Variants in TMEM132B observed in about 807,000 individuals in gnomAD.
The protein encoded by TMEM132B is transmembrane protein 132B.
TMEM132B carries 18 observed loss-of-function variants against 90.8 expected under a neutral mutation model. The observed-to-expected ratio is 0.20, with a 90% CI of 0.14 to 0.29. The LOEUF is 0.29. Among genes scored for constraint, TMEM132B ranks in the 10% least tolerant of loss-of-function variants. The pLI, the probability that TMEM132B is intolerant of heterozygous loss-of-function variation, is 1.00. For synonymous variants in TMEM132B, 504 were observed against 523.3 expected, an observed-to-expected ratio of 0.96 and a Z score of 0.50; for missense variants, 1,096 against 1,326.8, an observed-to-expected ratio of 0.83 and a Z score of 2.70.
At chr12:125,503,069 G>A (rs1395835191) in intron 3 of TMEM132B, among the ~76,000 whole-genome samples, 1 of 152,172 alleles carries the variant, frequency 6.6e-6, no homozygotes, top group Non-Finnish European at 1.5e-5. Flanking sequence ...AGGGTGCATC[G>A]GCTGTCCAAC....
At chr12:125,603,763 A>T (rs757055955) in intron 5 of TMEM132B, among the ~76,000 whole-genome samples, 2 of 152,148 alleles carry the variant, frequency 1.3e-5, no homozygotes, top group Non-Finnish European at 2.9e-5. Flanking sequence ...GAAAAAAACA[A>T]CCCTATTGAA....
intron 5 of TMEM132B, chr12:125,622,364 G>A (rs79119640): frequency 2.3e-5 from 12 of 518,234 alleles, no homozygotes; most frequent in Non-Finnish European, 3.0e-5. Context: ...TAAATCAAAG[G>A]TTCCCACAAA....
chr12:125,400,659 C>T (rs1392244174), intron 2 of TMEM132B, among the ~76,000 whole-genome samples: 1 of 152,194 alleles, frequency 6.6e-6, no homozygotes, highest in Non-Finnish European at 1.5e-5. Context: ...CTGACGTTAC[C>T]AGCCTCCAGG....
intron 1 of TMEM132B, among the ~76,000 whole-genome samples, chr12:125,288,389 C>T (rs555927135): frequency 1.0e-4 from 15 of 147,574 alleles, no homozygotes; most frequent in South Asian, 2.1e-4. Context: ...CTTGAATCCC[C>T]GAGGCAGAGG....
intron 4 of TMEM132B, among the ~76,000 whole-genome samples, chr12:125,537,319 G>A (rs1883831728): frequency 6.6e-6 from 1 of 152,204 alleles, no homozygotes; most frequent in African/African-American, 2.4e-5. Context: ...CACTGCAATA[G>A]GATAAATTTC....
At chr12:125,202,503 A>G (rs1217619811) in intron 1 of TMEM132B, among the ~76,000 whole-genome samples, 1 of 152,184 alleles carries the variant, frequency 6.6e-6, no homozygotes, top group African/African-American at 2.4e-5. Flanking sequence ...GGTTGGTAGG[A>G]TTCCGTTTTT....
At chr12:125,366,592 T>C (rs919834133) in intron 2 of TMEM132B, among the ~76,000 whole-genome samples, 6 of 152,220 alleles carry the variant, frequency 3.9e-5, no homozygotes, top group African/African-American at 1.4e-4. Context: ...CTTTTAAGAT[T>C]TGCTCATCAT....
intron 5 of TMEM132B, among the ~76,000 whole-genome samples, chr12:125,626,334 G>A (rs180824863): frequency 2.0e-5 from 3 of 152,288 alleles, no homozygotes; most frequent in Admixed American, 2.0e-4. Flanking sequence ...TGTGAACAGT[G>A]CTTCAACAAA....
intron 1 of TMEM132B, among the ~76,000 whole-genome samples, chr12:125,308,276 C>G (rs2136173402): frequency 6.6e-6 from 1 of 152,036 alleles, no homozygotes; most frequent in East Asian, 1.9e-4. Flanking sequence ...TTTCCCTCAA[C>G]AATGCATCCT....
chr12:125,348,499 G>GTT (rs10570406), intron 1 of TMEM132B, among the ~76,000 whole-genome samples: 17 of 137,064 alleles, frequency 1.2e-4, no homozygotes, highest in East Asian at 2.1e-4. Flanking sequence ...TAATTTTTGT[G>GTT]TTTTTTTTTT....
intron 5 of TMEM132B, among the ~76,000 whole-genome samples, chr12:125,609,373 G>T (rs979997354): frequency 6.6e-6 from 1 of 152,048 alleles, no homozygotes; most frequent in Non-Finnish European, 1.5e-5. Flanking sequence ...CTTTTTCAAG[G>T]TTATTTGGCT....
At chr12:125,264,527 A>G (rs1237256606) in intron 1 of TMEM132B, among the ~76,000 whole-genome samples, 10 of 152,174 alleles carry the variant, frequency 6.6e-5, no homozygotes, top group Admixed American at 4.6e-4. Context: ...CCTGGGGCCC[A>G]GTTGCTGGAG....
intron 1 of TMEM132B, among the ~76,000 whole-genome samples, chr12:125,339,627 A>C (rs1877107255): frequency 6.6e-6 from 1 of 152,152 alleles, no homozygotes; most frequent in Non-Finnish European, 1.5e-5. Context: ...AGGACAATTA[A>C]CCTTCCAGAG....
At chr12:125,241,046 G>A (rs190522922) in intron 1 of TMEM132B, among the ~76,000 whole-genome samples, 3 of 152,258 alleles carry the variant, frequency 2.0e-5, no homozygotes, top group South Asian at 4.1e-4. Flanking sequence ...AACCCATTTC[G>A]TGCCACGGGT....
intron 1 of TMEM132B, among the ~76,000 whole-genome samples, chr12:125,265,650 C>T (rs898667287): frequency 6.6e-6 from 1 of 152,208 alleles, no homozygotes; most frequent in African/African-American, 2.4e-5. Flanking sequence ...GCAATCTGCA[C>T]CTAATCACAC....
intron 3 of TMEM132B, among the ~76,000 whole-genome samples, chr12:125,503,713 G>C (rs1788502028): frequency 6.6e-6 from 1 of 152,206 alleles, no homozygotes; most frequent in Non-Finnish European, 1.5e-5. Flanking sequence ...CAACTGGGTA[G>C]ATGAGCAGTC....
chr12:125,255,140 T>C (rs532849854), intron 1 of TMEM132B, among the ~76,000 whole-genome samples: 32 of 152,318 alleles, frequency 2.1e-4, no homozygotes, highest in African/African-American at 7.7e-4. Flanking sequence ...CCACGTGATG[T>C]GCCCTTGCCT....
chr12:125,609,154 A>G (rs548399985), intron 5 of TMEM132B, among the ~76,000 whole-genome samples: 16 of 152,194 alleles, frequency 1.1e-4, no homozygotes, highest in African/African-American at 1.9e-4. Context: ...AATTACTTCC[A>G]CTTGGTCCCG....
chr12:125,627,559 T>A (rs1170754976), intron 5 of TMEM132B, among the ~76,000 whole-genome samples: 1 of 152,082 alleles, frequency 6.6e-6, no homozygotes, highest in Non-Finnish European at 1.5e-5. Context: ...TTATGGTACA[T>A]ATTTATAGGG....
Sources: gnomAD v4.1 joint callset for allele counts (sites outside exome capture counted in the v4.1 genomes callset) on GRCh38, gnomAD v4.1.1 for gene constraint, MANE v1.5 for transcripts, NCBI Gene and HGNC (gene_info 2026-07-23, HGNC 2026-07-21) for gene names.